UBE2D1: variants seen among roughly 807,000 people sequenced by gnomAD.
UBE2D1 encodes the protein ubiquitin conjugating enzyme E2 D1, also known as ubiquitin-conjugating enzyme E2 D1.
UBE2D1 carries 9 observed loss-of-function variants against 24.6 expected under a neutral mutation model. The ratio of observed to expected loss-of-function variants is 0.37; its 90% CI spans 0.22 to 0.64. UBE2D1 has a LOEUF of 0.64. UBE2D1 is among the 30% of genes least tolerant of loss of function. The pLI, the probability that UBE2D1 is intolerant of heterozygous loss-of-function variation, is 0.64. For missense variants in UBE2D1, 87 were observed against 177.1 expected (o/e 0.49, Z 2.89); for synonymous variants, 57 against 57.6 (o/e 0.99, Z 0.04).
At chr10:58,343,697 C>G (rs1391037087) in intron 1 of UBE2D1, among the ~76,000 whole-genome samples, 1 of 152,160 alleles carries the variant, frequency 6.6e-6, no homozygotes, top group East Asian at 1.9e-4. Context: ...CAAGTAGCAG[C>G]ATTTTAGTGA....
intron 1 of UBE2D1, among the ~76,000 whole-genome samples, chr10:58,349,283 A>G (rs1840048267): frequency 6.6e-6 from 1 of 152,170 alleles, no homozygotes; most frequent in Non-Finnish European, 1.5e-5. Flanking sequence ...ACATTAGAAT[A>G]GAAAATTGCT....
chr10:58,336,822 G>A (rs1839908427), intron 1 of UBE2D1, among the ~76,000 whole-genome samples: 1 of 152,054 alleles, frequency 6.6e-6, no homozygotes, highest in African/African-American at 2.4e-5. Context: ...ACATACAAGA[G>A]CTTTTTAAAT....
intron 1 of UBE2D1, among the ~76,000 whole-genome samples, chr10:58,342,813 G>GT (rs1480339853): frequency 1.5e-4 from 21 of 140,120 alleles, no homozygotes; most frequent in Admixed American, 8.5e-4. Flanking sequence ...GTGGGTACTT[G>GT]TTTTTTTTGG....
At chr10:58,345,710 G>T (rs1313332763) in intron 1 of UBE2D1, among the ~76,000 whole-genome samples, 1 of 152,124 alleles carries the variant, frequency 6.6e-6, no homozygotes, top group Admixed American at 6.6e-5. Flanking sequence ...AAATTTATTT[G>T]GGAAAATCAG....
intron 1 of UBE2D1, among the ~76,000 whole-genome samples, chr10:58,342,050 C>A (rs1054854675): frequency 3.9e-5 from 6 of 152,130 alleles, no homozygotes. Context: ...TCTTGATGGT[C>A]TCTGAGAAGC....
intron 1 of UBE2D1, among the ~76,000 whole-genome samples, chr10:58,344,926 A>T (rs897572637): frequency 6.6e-6 from 1 of 150,730 alleles, no homozygotes; most frequent in African/African-American, 2.5e-5. Context: ...CTGCAGTGGC[A>T]TGATCTCAGC....
At chr10:58,359,861 T>G (rs984551596) in intron 1 of UBE2D1, among the ~76,000 whole-genome samples, 4 of 152,210 alleles carry the variant, frequency 2.6e-5, no homozygotes, top group Non-Finnish European at 1.5e-5. Flanking sequence ...GCACATGTAA[T>G]TCATCAACTC....
chr10:58,340,267 A>G (rs1839948487), intron 1 of UBE2D1, among the ~76,000 whole-genome samples: 1 of 152,148 alleles, frequency 6.6e-6, no homozygotes, highest in African/African-American at 2.4e-5. Flanking sequence ...GCTAAGACTC[A>G]TTTTCTTTCT....
intron 5 of UBE2D1, among the ~76,000 whole-genome samples, chr10:58,366,234 T>C (rs922617742): frequency 3.3e-5 from 5 of 152,344 alleles, no homozygotes; most frequent in Admixed American, 6.5e-5. Context: ...TATTCTGACA[T>C]TGGTAGCCTT....
At chr10:58,344,179 A>T (rs1472798199) in intron 1 of UBE2D1, among the ~76,000 whole-genome samples, 1 of 152,196 alleles carries the variant, frequency 6.6e-6, no homozygotes, top group African/African-American at 2.4e-5. Flanking sequence ...TCATTCCTTC[A>T]CTTATCACAC....
chr10:58,365,163 G>T (rs983797357), intron 5 of UBE2D1, among the ~76,000 whole-genome samples: 1 of 152,088 alleles, frequency 6.6e-6, no homozygotes, highest in Admixed American at 6.6e-5. Flanking sequence ...TTTAGCTTGG[G>T]TGTTGTCTTT....
At chr10:58,360,377 T>G (rs1840181774) in intron 1 of UBE2D1, among the ~76,000 whole-genome samples, 1 of 151,956 alleles carries the variant, frequency 6.6e-6, no homozygotes, top group Non-Finnish European at 1.5e-5. Context: ...GTGAAGTAAC[T>G]TCCACAAGGC....
rs751137151 is a variant in UBE2D1, at chr10:58,335,161, C to A, written c.-41C>A. On this transcript the variant is annotated 5_prime_UTR_variant, in exon 1 of 7. Coordinates refer to ENST00000373910, the MANE Select transcript of UBE2D1 (RefSeq NM_003338.5). The stretch of plus-strand genomic sequence containing the variant: ...GACCCACGCCCCTGAGCCCCGCAGC[C>A]GACCCCTGCCGGCCGGTGTCCCCAC... 6 of 1,537,336 alleles carry A rather than the reference C, an allele frequency of 3.9e-6. No individual in the cohort carries two copies. The East Asian group carries it at 1.3e-4, about 32-fold the overall frequency.
intron 5 of UBE2D1, among the ~76,000 whole-genome samples, 195 bp from the exon 6 acceptor site, chr10:58,367,728 A>G (rs1218057911): frequency 2.6e-5 from 4 of 152,166 alleles, no homozygotes; most frequent in Non-Finnish European, 5.9e-5. Flanking sequence ...TATGCATCCT[A>G]TGGTAATTTT....
At chr10:58,361,199 G>A (rs1840193623) in intron 1 of UBE2D1, 139 bp from the exon 2 acceptor site, 2 of 823,674 alleles carry the variant, frequency 2.4e-6, no homozygotes, top group South Asian at 3.4e-5. Flanking sequence ...CAATGACAGA[G>A]TACAATTTAT....
At chr10:58,340,646 G>GC (rs1453900695) in intron 1 of UBE2D1, among the ~76,000 whole-genome samples, 10 of 152,056 alleles carry the variant, frequency 6.6e-5, no homozygotes, top group Non-Finnish European at 1.2e-4. Context: ...CAATGATTGT[G>GC]CCCCCTAGGA....
chr10:58,335,037 C>G lies in UBE2D1; in HGVS notation c.-165C>G. 1 of 654,692 alleles carries G rather than the reference C, an allele frequency of 1.5e-6. No individual in the cohort carries two copies. The allele number at this position is 654,692 out of a possible 1,614,324, so 40.6% of individuals were successfully genotyped here. A position where few individuals can be genotyped will look rare whatever the true frequency, so the allele number is the denominator to read the frequency against. On this transcript the variant is annotated 5_prime_UTR_variant, in exon 1 of 7. Coordinates refer to ENST00000373910, the MANE Select transcript of UBE2D1 (RefSeq NM_003338.5). ...TCGCGCACACTCGCGCTCGGGCGCA[C>G]ACGGAGCAGGGACCGGCGCCCGGAG...
In UBE2D1 at chr10:58,370,108, GT is replaced by G. The variant is rs1436729055; in HGVS notation, c.*1348del. The stretch of plus-strand genomic sequence containing the variant: ...AAGTTCTAAAATTATGCCTCCCTCT[GT>G]TTTTATAAGTTGCCATCGAAAAGTG... On this transcript the variant is annotated 3_prime_UTR_variant, in exon 7 of 7. Transcript: ENST00000373910. 6.7e-6 allele frequency: 1 copy of G among 149,416 alleles called. No individual in the cohort carries two copies. The highest frequency in any genetic ancestry group is 1.5e-5 in the Non-Finnish European group (1 of 67,302). The allele number at this position is 149,416 out of a possible 1,614,324, so 9.3% of individuals were successfully genotyped here.
chr10:58,360,804 C>G (rs925524770), intron 1 of UBE2D1: 1 of 313,486 alleles, frequency 3.2e-6, no homozygotes, highest in Admixed American at 3.9e-5. Flanking sequence ...GTGCCAGCTA[C>G]TCGGGGTAGG....
Sources: gnomAD v4.1 joint callset for allele counts (sites outside exome capture counted in the v4.1 genomes callset) on GRCh38, gnomAD v4.1.1 for gene constraint, MANE v1.5 for transcripts, NCBI Gene and HGNC (gene_info 2026-07-23, HGNC 2026-07-21) for gene names.